The following MUC5B variants were observed in gnomAD, a reference collection of about 807,000 sequenced individuals.
MUC5B encodes the protein mucin-5B.
MUC5B carries 116 observed loss-of-function variants against 376.9 expected under a neutral mutation model. The ratio of observed to expected loss-of-function variants is 0.31; its 90% CI spans 0.26 to 0.36. The LOEUF is 0.36. MUC5B is among the 10% of genes least tolerant of loss of function. The pLI, the probability that MUC5B is intolerant of heterozygous loss-of-function variation, is 1.00. For synonymous variants in MUC5B, 3,517 were observed against 3,390.9 expected (o/e 1.04, Z -1.29); for missense variants, 7,165 against 7,769.9 (o/e 0.92, Z 2.93).
rs372954668 is a variant in MUC5B, at chr11:1,251,391, C to G, written c.14511C>G (p.Thr4837=). The G allele has an allele frequency of 1.9e-6, 3 of 1,601,130 alleles. No individual in the cohort carries two copies. The highest frequency in any genetic ancestry group is 2.6e-6 in the Non-Finnish European group (3 of 1,170,750). ...CTGCAGCCACTGGATCCACGGCCAC[C>G]CTGTCCTCCACCCCAGGGACCACCT... is the stretch of plus-strand genomic sequence containing the variant. ...TTTAATGSTA[T]LSSTPGTTWI... The change falls in exon 31 of 49, where the codon ACC becomes ACG. Residue 4837 remains threonine, a synonymous_variant. Coordinates refer to ENST00000529681, the MANE Select transcript of MUC5B (RefSeq NM_002458.3).
In MUC5B at chr11:1,226,188, C is replaced by G; in HGVS notation, c.128-17C>G. On this transcript the variant is annotated splice_polypyrimidine_tract_variant and intron_variant, in intron 2 of 48. Coordinates refer to ENST00000529681, the MANE Select transcript of MUC5B (RefSeq NM_002458.3). ...CTTCCTGGCCACGTTCCTGGGGTGA[C>G]CAGCCTTCACCCACAGGTGCCCCGA... 2 of 1,546,076 alleles carry G rather than the reference C, an allele frequency of 1.3e-6. No individual in the cohort carries two copies. Among genetic ancestry groups the G allele is most frequent in the Non-Finnish European group, 1.7e-6 (2 of 1,146,342 alleles).
At chr11:1,236,151 G>C (rs1171818467) in intron 23 of MUC5B, among the ~76,000 whole-genome samples, 1 of 152,178 alleles carries the variant, frequency 6.6e-6, no homozygotes, top group Non-Finnish European at 1.5e-5. Context: ...TGCAGCCTCT[G>C]CTGCTCCCGT....
At position 1,256,701 on chromosome 11, in the gene MUC5B, G is replaced by C. The variant is rs571777773; in HGVS notation, c.16167G>C (p.Ala5389=). 1.3e-6 allele frequency: 2 copies of C among 1,568,660 alleles called. No homozygotes were observed. Among genetic ancestry groups the C allele is most frequent in the South Asian group, 2.4e-5 (2 of 84,794 alleles). The part of the protein sequence containing the change: ...RNQSPQLEGM[A]EGCFCPEDQI... ...AGAGCCCACAGCTGGAGGGGATGGC[G>C]GAGGGCTGCTTCTGCCCTGAGGACC... The change falls in exon 39 of 49, where the codon GCG becomes GCC. Residue 5389 remains alanine (A), a synonymous_variant. Transcript: ENST00000529681.
chr11:1,228,454 C>A, intron 7 of MUC5B, 110 bp from the exon 8 acceptor site: 2 of 1,080,038 alleles, frequency 1.9e-6, no homozygotes. Context: ...TACAAGGAAC[C>A]CCGACAGGGA....
At chr11:1,232,830 G>GGCC in intron 17 of MUC5B, 60 bp downstream of exon 17, 1 of 1,515,812 alleles carries the variant, frequency 6.6e-7, no homozygotes, top group Non-Finnish European at 8.8e-7. Flanking sequence ...GGGGGACCCT[G>GGCC]GCCGGCAGCA....
chr11:1,229,704 G>T lies in MUC5B; in HGVS notation c.1117G>T (p.Asp373Tyr). The T allele has an allele frequency of 6.3e-7, 1 of 1,582,770 alleles. No individual in the cohort carries two copies. ...GCGCCCCACAGGCACGGTGCTGGATGACATCACGCACTCTGGCTGCCTGCC... is the reference window on the plus strand; with the variant it reads ...GCGCCCCACAGGCACGGTGCTGGATTACATCACGCACTCTGGCTGCCTGCC... ...CFCPPGTVLDDITHSGCLPLG... is the reference protein window; with the variant it reads ...CFCPPGTVLDYITHSGCLPLG... Residue 373 changes from aspartate (D) to tyrosine (Y), a missense_variant, in exon 10 of 49, where the codon GAC (aspartate) becomes TAC (tyrosine). Around this residue, in one of 31 missense-constraint regions of MUC5B, gnomAD observed 640 missense variants for 733.0 expected, o/e 0.87. Coordinates refer to ENST00000529681, the MANE Select transcript of MUC5B (RefSeq NM_002458.3).
At chr11:1,233,966 C>T (rs1454240877) in intron 19 of MUC5B, 118 bp downstream of exon 19, 13 of 1,083,288 alleles carry the variant, frequency 1.2e-5, no homozygotes, top group African/African-American at 9.3e-5. Flanking sequence ...CCAGGTCAGT[C>T]CTCACCTGGG....
At chr11:1,231,602 A>T in intron 14 of MUC5B, 42 bp downstream of exon 14, 1 of 1,535,496 alleles carries the variant, frequency 6.5e-7, no homozygotes. Flanking sequence ...GCCATTGGGG[A>T]CGGGGCCTGG....
Position 1,243,713 on chromosome 11 carries a change from C to T in MUC5B, c.6833C>T (p.Ala2278Val), listed in dbSNP as rs367782189. 3.8e-5 allele frequency: 61 copies of T among 1,611,610 alleles called. 1 individual carries two copies. The African/African-American group carries it at 7.9e-4, about 21-fold the overall frequency. The change falls in exon 31 of 49, where the codon GCC (alanine) becomes GTC (valine). Residue 2278 changes from alanine (A) to valine (V), a missense_variant. Physicochemically the swap from Ala to Val is moderately conservative, Grantham distance 64. Around this residue, in one of 31 missense-constraint regions of MUC5B, gnomAD observed 79 missense variants for 63.0 expected, o/e 1.25. Coordinates refer to ENST00000529681, the MANE Select transcript of MUC5B (RefSeq NM_002458.3). ...ACGACCACCCCGGGCCACACCACGG[C>T]CACCTCCAGGACCACAGCCACGGCC... Reference protein sequence around the residue: ...PGTTTPGHTTATSRTTATATP... With the variant: ...PGTTTPGHTTVTSRTTATATP...
Position 1,252,897 on chromosome 11 carries a change from C to T in MUC5B, c.15134C>T (p.Ala5045Val). ...RVVLLDPKPV[A>V]NVTCVNKHLP... Reference sequence around the variant, plus strand: ...GTCCTGCTGGACCCAAAGCCTGTGGCCAACGTCACCTGCGTGAACAAGCAC... The same window carrying T: ...GTCCTGCTGGACCCAAAGCCTGTGGTCAACGTCACCTGCGTGAACAAGCAC... Residue 5045 changes from alanine (A) to valine (V), a missense_variant, in exon 33 of 49, where the codon GCC (alanine) becomes GTC (valine). Ala to Val is a moderately conservative substitution (Grantham distance 64, BLOSUM62 0). This residue lies in a region of MUC5B where 842 missense variants were observed against 1,016.9 expected (regional missense o/e 0.83). Transcript: ENST00000529681. 1.2e-6 allele frequency: 2 copies of T among 1,612,652 alleles called. No homozygotes were observed. The highest frequency in any genetic ancestry group is 1.7e-6 in the Non-Finnish European group (2 of 1,179,866).
At position 1,253,069 on chromosome 11, in the gene MUC5B, G is replaced by A; in HGVS notation, c.15217+89G>A. 1 of 1,478,408 alleles carries A rather than the reference G, an allele frequency of 6.8e-7. No individual in the cohort carries two copies. The highest frequency in any genetic ancestry group is 9.2e-7 in the Non-Finnish European group (1 of 1,081,818). The allele number at this position is 1,478,408 out of a possible 1,614,324, so 91.6% of individuals were successfully genotyped here. The stretch of plus-strand genomic sequence containing the variant: ...AGGCTGGCAGAATGGGGCATGGTGG[G>A]GCACAGTGGGGTGCAGTGGGGAATG... On this transcript the variant is annotated intron_variant, in intron 33 of 48. Transcript: ENST00000529681. The surrounding 1 kb of genome is among the most constrained non-coding windows in gnomAD (Gnocchi z 4.3).
At chr11:1,224,647 C>G (rs920088809) in intron 1 of MUC5B, among the ~76,000 whole-genome samples, 2 of 151,798 alleles carry the variant, frequency 1.3e-5, no homozygotes, top group Non-Finnish European at 2.9e-5. Context: ...GTTGGGCTGG[C>G]ACACAGGGGC....
Position 1,231,514 on chromosome 11 carries a change from G to T in MUC5B, c.1632G>T (p.Met544Ile). 6.2e-7 allele frequency: 1 copy of T among 1,602,848 alleles called. No individual in the cohort carries two copies. Residue 544 changes from methionine (M) to isoleucine (I), a missense_variant, in exon 14 of 49, where the codon ATG (methionine) becomes ATT (isoleucine). Physicochemically the swap from Met to Ile is conservative, Grantham distance 10. Transcript: ENST00000529681. ...LQLLVQLVPLMQVFVRLDPAH... is the reference protein window; with the variant it reads ...LQLLVQLVPLIQVFVRLDPAH... ...TGCTGGTGCAGCTGGTGCCACTCAT[G>T]CAGGTGTTTGTCAGGCTGGACCCCG...
rs771591252 is a variant in MUC5B, at chr11:1,234,861, G to A, written c.2630+181G>A. 3.9e-4 allele frequency among the ~76,000 whole-genome samples: 60 copies of A among 152,092 alleles called. No homozygotes were observed. The highest frequency in any genetic ancestry group is 3.9e-4 in the Admixed American group (6 of 15,280). Reference sequence around the variant, plus strand: ...AGGAAAGCCATGGGCCGTCCTGTGCGTCCTCTGGAAGGTGGCCCAGGGGCC... The same window carrying A: ...AGGAAAGCCATGGGCCGTCCTGTGCATCCTCTGGAAGGTGGCCCAGGGGCC... On this transcript the variant is annotated intron_variant, in intron 21 of 48. Coordinates refer to ENST00000529681, the MANE Select transcript of MUC5B (RefSeq NM_002458.3). The surrounding 1 kb of genome is among the most constrained non-coding windows in gnomAD (Gnocchi z 6.3).
chr11:1,254,379 G>A (rs1564951671), intron 34 of MUC5B, 28 bp downstream of exon 34: 1 of 1,595,120 alleles, frequency 6.3e-7, no homozygotes, highest in South Asian at 1.1e-5. Context: ...GTGGCACAGT[G>A]TTGGCCCAGT....
intron 6 of MUC5B, 23 bp downstream of exon 6, chr11:1,227,421 G>A (rs773003385): frequency 1.3e-6 from 2 of 1,569,860 alleles, no homozygotes; most frequent in Non-Finnish European, 8.7e-7. Flanking sequence ...TGGGTGAGGG[G>A]GCGGTGACCA....
rs1180027744 is a variant in MUC5B, at chr11:1,237,699, G to A, written c.3297+535G>A. Among the ~76,000 whole-genome samples, 6 of 152,190 alleles carry A rather than the reference G, an allele frequency of 3.9e-5. No homozygotes were observed. The East Asian group carries it at 7.7e-4, about 20-fold the overall frequency. ...AGCCTGGTCAACATGGCGAAACCCCGTCTCTACAAAAAATACAAAAATAGC... is the reference window on the plus strand; with the variant it reads ...AGCCTGGTCAACATGGCGAAACCCCATCTCTACAAAAAATACAAAAATAGC... On this transcript the variant is annotated intron_variant, in intron 25 of 48. Coordinates refer to ENST00000529681, the MANE Select transcript of MUC5B (RefSeq NM_002458.3).
Position 1,243,141 on chromosome 11 carries a change from C to T in MUC5B, c.6261C>T (p.Gly2087=), listed in dbSNP as rs546217654. ...CAACCACCACACCCACAACCAGAGGCTCCACGGTGACCCCCTCCTCCATCC... is the reference window on the plus strand; with the variant it reads ...CAACCACCACACCCACAACCAGAGGTTCCACGGTGACCCCCTCCTCCATCC... The part of the protein sequence containing the change: ...ISTTTTPTTR[G]STVTPSSIPG... The change falls in exon 31 of 49, where the codon GGC becomes GGT. Residue 2087 remains glycine (G), a synonymous_variant. Transcript: ENST00000529681. 5.3e-5 allele frequency: 85 copies of T among 1,609,810 alleles called. No individual in the cohort carries two copies. The highest frequency in any genetic ancestry group is 3.9e-4 in the Middle Eastern group (2 of 5,102).
chr11:1,240,580 T>C (rs894942190), intron 30 of MUC5B, among the ~76,000 whole-genome samples: 3 of 152,178 alleles, frequency 2.0e-5, no homozygotes, highest in Admixed American at 2.0e-4. Context: ...ATTGATGGGA[T>C]ACCCCAAGGA....
Sources: allele counts gnomAD v4.1 joint callset (sites outside exome capture counted in the v4.1 genomes callset), GRCh38; gene constraint gnomAD v4.1.1; regional missense constraint gnomAD v4.1.1; non-coding constraint Gnocchi (gnomAD v3.1); transcripts MANE v1.5; gene names NCBI Gene and HGNC (gene_info 2026-07-23, HGNC 2026-07-21).